MADD: variants seen among roughly 807,000 people sequenced by gnomAD.
The protein encoded by MADD is MAP kinase-activating death domain protein.
MADD carries 109 observed loss-of-function variants against 176.7 expected under a neutral mutation model. That is an observed-to-expected ratio of 0.62 (90% CI 0.53 to 0.72). The LOEUF (loss-of-function observed/expected upper bound fraction) is 0.72. Ranked by LOEUF, MADD falls within the 30% of genes least tolerant of loss-of-function variation. The pLI is 0.00. For missense variants in MADD, 1,914 were observed against 2,045.5 expected (o/e 0.94, Z 1.24); for synonymous variants, 771 against 771.3 (o/e 1.00, Z 0.01).
chr11:47,310,268 G>C (rs2087245289), intron 25 of MADD, among the ~76,000 whole-genome samples: 1 of 151,450 alleles, frequency 6.6e-6, no homozygotes, highest in South Asian at 2.1e-4. Flanking sequence ...CACATCCTCT[G>C]CCTCCCGGGT....
In MADD at chr11:47,290,601, T is replaced by C; in HGVS notation, c.3095-9T>C. ...TACTTCTCTTGACCTCTTGATATTTTTCCCTCAGAACCAGACAAGCGGAAG... is the reference window on the plus strand; with the variant it reads ...TACTTCTCTTGACCTCTTGATATTTCTCCCTCAGAACCAGACAAGCGGAAG... On this transcript the variant is annotated splice_polypyrimidine_tract_variant and intron_variant, in intron 18 of 32. Transcript: ENST00000402192. 2 of 1,610,560 alleles carry C rather than the reference T, an allele frequency of 1.2e-6. No homozygotes were observed. The highest frequency in any genetic ancestry group is 1.7e-6 in the Non-Finnish European group (2 of 1,177,756).
chr11:47,319,116 T>A (rs1022090039), intron 27 of MADD, among the ~76,000 whole-genome samples: 10 of 114,396 alleles, frequency 8.7e-5, no homozygotes, highest in East Asian at 7.7e-4. Flanking sequence ...CCAAGGAAAA[T>A]ATATATATAT....
rs762179326 is a variant in MADD at position 47,324,481 on chromosome 11, G to A, written c.4446G>A (p.Leu1482=). 24 of 1,613,622 alleles carry A rather than the reference G, an allele frequency of 1.5e-5. No individual in the cohort carries two copies. In the South Asian group the frequency reaches 2.5e-4, roughly 17 times the overall value. Residue 1482 remains leucine (L), a synonymous_variant, in exon 30 of 33, where the codon TTG becomes TTA. Coordinates refer to ENST00000402192, the Ensembl canonical transcript of MADD. Reference sequence around the variant, plus strand: ...CCTCCCTCACCACAGGACCTGAATTGGGTGGCGAGTTCCCTGTGCAGGACC... The same window carrying A: ...CCTCCCTCACCACAGGACCTGAATTAGGTGGCGAGTTCCCTGTGCAGGACC...
chr11:47,269,734 G>T (rs967548677), upstream of MADD: 1 of 151,762 alleles, frequency 6.6e-6, no homozygotes, highest in African/African-American at 2.4e-5. Context: ...CTCGGACGCC[G>T]AGCACCGCCA....
intron 22 of MADD, among the ~76,000 whole-genome samples, chr11:47,305,767 G>A (rs2140419985): frequency 6.6e-6 from 1 of 152,272 alleles, no homozygotes; most frequent in East Asian, 1.9e-4. Flanking sequence ...CAGACTCTAG[G>A]GGCAAGTCCA....
chr11:47,296,005 A>C, exon 22 of MADD: 1 of 1,614,130 alleles, frequency 6.2e-7, no homozygotes, highest in Non-Finnish European at 8.5e-7. Flanking sequence ...CTCTCGGGGC[A>C]CTTTGTCTGA....
chr11:47,289,055 A>G, intron 15 of MADD, 28 bp downstream of exon 16: 1 of 1,568,216 alleles, frequency 6.4e-7, no homozygotes, highest in Non-Finnish European at 8.6e-7. Flanking sequence ...GCTGTGCATG[A>G]TCTTTTTTTT....
rs2059307511 is a variant in MADD at position 47,284,584 on chromosome 11, A to C, written c.2157+19A>C. On this transcript the variant is annotated intron_variant, in intron 12 of 32. Transcript: ENST00000402192. ...CAACTCTGTAAGTGAGGAGCGGTGG[A>C]TGAGTGAGAACCATGGCCTGGGATG... is the stretch of plus-strand genomic sequence containing the variant. The C allele has an allele frequency of 6.2e-7, 1 of 1,610,872 alleles. No individual in the cohort carries two copies.
intron 6 of MADD, 95 bp downstream of exon 6, chr11:47,278,373 G>T: frequency 1.1e-6 from 1 of 900,920 alleles, no homozygotes; most frequent in African/African-American, 1.6e-5. Flanking sequence ...TTTCAGGAAC[G>T]TCCTAAGTTG....
chr11:47,329,000 T>C, intron 32 of MADD, 46 bp from the exon 37 acceptor site: 1 of 1,436,572 alleles, frequency 7.0e-7, no homozygotes. Context: ...CATATGGAGA[T>C]GGAGGAGTCT....
intron 22 of MADD, among the ~76,000 whole-genome samples, chr11:47,298,931 G>A (rs1467658049): frequency 6.6e-6 from 1 of 152,188 alleles, no homozygotes; most frequent in Non-Finnish European, 1.5e-5. Context: ...ATTTATTGAA[G>A]AGACTGTCCC....
At chr11:47,319,568 C>G (rs1221561934) in intron 27 of MADD, among the ~76,000 whole-genome samples, 1 of 152,170 alleles carries the variant, frequency 6.6e-6, no homozygotes, top group Non-Finnish European at 1.5e-5. Context: ...AATCCTTTGT[C>G]CCAGAGGTAA....
At chr11:47,292,687 AC>A in intron 19 of MADD, 91 bp downstream of exon 21, 4 of 1,308,076 alleles carry the variant, frequency 3.1e-6, no homozygotes, top group Non-Finnish European at 4.4e-6. Context: ...TGTCAGCCCC[AC>A]CCCAAATTTG....
At chr11:47,279,504 C>T (rs1248519596) in intron 7 of MADD, among the ~76,000 whole-genome samples, 1 of 151,500 alleles carries the variant, frequency 6.6e-6, no homozygotes, top group Non-Finnish European at 1.5e-5. Context: ...TCTGCCTCTC[C>T]AGGAGCTGGG....
intron 22 of MADD, among the ~76,000 whole-genome samples, chr11:47,297,110 A>G (rs987999183): frequency 1.3e-5 from 2 of 152,192 alleles, no homozygotes; most frequent in African/African-American, 4.8e-5. Context: ...TAAAACACTG[A>G]TAGACTTGTT....
exon 14 of MADD, chr11:47,285,512 G>A: frequency 6.2e-7 from 1 of 1,614,188 alleles, no homozygotes; most frequent in Non-Finnish European, 8.5e-7. Flanking sequence ...TGCAGAGTCA[G>A]ACTCTCGGGC....
rs935619812 is a variant in MADD at position 47,289,039 on chromosome 11, C to T, written c.2654-352C>T. 1.9e-6 allele frequency: 3 copies of T among 1,586,038 alleles called. No individual in the cohort carries two copies. The highest frequency in any genetic ancestry group is 2.6e-6 in the Non-Finnish European group (3 of 1,172,484). On this transcript the variant is annotated intron_variant, in intron 15 of 32. Transcript: ENST00000402192. ...CGGGAGTGGTGAAGGTGGGTCTTGC[C>T]TGTGAGCTGTGCATGATCTTTTTTT...
chr11:47,273,875 G>T, exon 2 of MADD: 1 of 1,577,392 alleles, frequency 6.3e-7, no homozygotes, highest in Non-Finnish European at 8.7e-7. Flanking sequence ...CTTGCTTGGT[G>T]CCCTGATGCT....
At chr11:47,297,029 C>T (rs1193665673) in intron 22 of MADD, among the ~76,000 whole-genome samples, 1 of 152,082 alleles carries the variant, frequency 6.6e-6, no homozygotes, top group African/African-American at 2.4e-5. Flanking sequence ...CTGCCTTGGC[C>T]TCTTAAAGTG....
Sources: allele counts gnomAD v4.1 joint callset (sites outside exome capture counted in the v4.1 genomes callset), GRCh38; gene constraint gnomAD v4.1.1; transcripts MANE v1.5; gene names NCBI Gene and HGNC (gene_info 2026-07-23, HGNC 2026-07-21).